The following JOSD2 variants were observed in gnomAD, a reference collection of about 807,000 sequenced individuals.
JOSD2 encodes josephin-2.
A neutral mutation model predicts 19.3 loss-of-function variants in JOSD2; 20 were observed. The ratio of observed to expected loss-of-function variants is 1.04; its 90% CI spans 0.73 to 1.51. JOSD2 has a LOEUF of 1.51. Among genes scored for constraint, JOSD2 ranks in the 40% most tolerant of loss-of-function variants. JOSD2 has a pLI of 0.00. For synonymous variants in JOSD2, 118 were observed against 123.7 expected (o/e 0.95, Z 0.31); for missense variants, 215 against 250.4 (o/e 0.86, Z 0.95).
At chr19:50,510,188 A>C (rs903478660) in intron 2 of JOSD2, 98 bp downstream of exon 2, 1 of 1,461,728 alleles carries the variant, frequency 6.8e-7, no homozygotes, top group Non-Finnish European at 9.4e-7. Context: ...GGAGCAGAAG[A>C]AAGCCCCCAA....
intron 2 of JOSD2, 66 bp downstream of exon 2, chr19:50,510,220 C>T (rs1427932709): frequency 6.3e-7 from 1 of 1,598,188 alleles, no homozygotes; most frequent in Non-Finnish European, 8.6e-7. Context: ...TGCCTGGCGG[C>T]GAGACCCAGG....
At chr19:50,508,816 G>A (rs1039557016) in intron 2 of JOSD2, among the ~76,000 whole-genome samples, 4 of 151,986 alleles carry the variant, frequency 2.6e-5, no homozygotes, top group African/African-American at 9.7e-5. Context: ...GTATGAAAGA[G>A]CTGATGGGTC....
In JOSD2 at chr19:50,506,448, C is replaced by A; in HGVS notation, c.397G>T (p.Asp133Tyr). ...RRHWVALRQVDGVYYNLDSKL... is the reference protein window; with the variant it reads ...RRHWVALRQVYGVYYNLDSKL... ...GAGTCCAGGTTGTAGTAGACACCGT[C>A]CACCTGGCGCAGGGCCACCCAGTGC... Residue 133 changes from aspartate (D) to tyrosine (Y), a missense_variant, in exon 4 of 5, where the codon GAC becomes TAC. Transcript: ENST00000598418. 6.3e-7 allele frequency: 1 copy of A among 1,595,988 alleles called. No homozygotes were observed. The highest frequency in any genetic ancestry group is 1.3e-5 in the African/African-American group (1 of 74,604).
Position 50,511,184 on chromosome 19 carries a change from C to T in JOSD2, c.-85G>A. 6.8e-6 allele frequency: 3 copies of T among 439,728 alleles called. No homozygotes were observed. The highest frequency in any genetic ancestry group is 1.4e-5 in the Non-Finnish European group (3 of 217,842). 27.2% of individuals were successfully genotyped at this position (439,728 alleles called of 1,614,324 possible). On this transcript the variant is annotated 5_prime_UTR_variant, in exon 1 of 5. Coordinates refer to ENST00000598418, the MANE Select transcript of JOSD2 (RefSeq NM_001270639.2). ...CCCCTTCCTGGGCGGCGGCTCTGGG[C>T]TCCGAGTGCGGGGCGGGCAACACCG...
At chr19:50,508,698 CGT>C (rs58475114) in intron 2 of JOSD2, among the ~76,000 whole-genome samples, 36,767 of 140,570 alleles carry the variant, frequency 0.26, 4,618 homozygotes, top group Admixed American at 0.3. Flanking sequence ...GGAAAACGCT[CGT>C]GTGTGTGTGT....
At chr19:50,508,321 C>T (rs891769735) in intron 2 of JOSD2, among the ~76,000 whole-genome samples, 2 of 152,226 alleles carry the variant, frequency 1.3e-5, no homozygotes, top group Non-Finnish European at 2.9e-5. Flanking sequence ...GCCACCTCAA[C>T]GATGACAGCT....
chr19:50,508,651 GT>G (rs1979532790), intron 2 of JOSD2, among the ~76,000 whole-genome samples: 1 of 150,194 alleles, frequency 6.7e-6, no homozygotes, highest in African/African-American at 2.5e-5. Flanking sequence ...CTGCACCTCT[GT>G]TCCCTATCTG....
At chr19:50,508,939 G>T (rs1178104683) in intron 2 of JOSD2, among the ~76,000 whole-genome samples, 1 of 151,964 alleles carries the variant, frequency 6.6e-6, no homozygotes, top group Non-Finnish European at 1.5e-5. Flanking sequence ...GGCAGGGGAG[G>T]CAGGGCCATC....
chr19:50,510,229 G>A (rs538269597), intron 2 of JOSD2, 57 bp downstream of exon 2: 2 of 1,607,934 alleles, frequency 1.2e-6, no homozygotes, highest in East Asian at 2.2e-5. Context: ...GCGAGACCCA[G>A]GTGGGTCACT....
At chr19:50,510,554 C>T in intron 1 of JOSD2, 106 bp from the exon 2 acceptor site, 1 of 1,126,818 alleles carries the variant, frequency 8.9e-7, no homozygotes, top group Non-Finnish European at 1.2e-6. Context: ...GGACTCGGAG[C>T]AGCCCAGGAA....
intron 2 of JOSD2, 59 bp downstream of exon 2, chr19:50,510,227 C>G (rs1158476618): frequency 1.1e-5 from 17 of 1,609,832 alleles, no homozygotes; most frequent in Non-Finnish European, 1.3e-5. Flanking sequence ...CGGCGAGACC[C>G]AGGTGGGTCA....
chr19:50,510,394 G>A lies in JOSD2; in HGVS notation c.38C>T (p.Thr13Ile). ...QAPGAQPSPP[T>I]VYHERQRLEL... is the part of the protein sequence containing the mutation. The stretch of plus-strand genomic sequence containing the variant: ...CAGGCGCTGCCGTTCGTGGTACACG[G>A]TGGGTGGGCTCGGCTGTGCTCCCGG... Residue 13 changes from threonine to isoleucine, a missense_variant, in exon 2 of 5, where the codon ACC (threonine) becomes ATC (isoleucine). By Grantham distance (89) the Thr-to-Ile change is moderately conservative. Coordinates refer to ENST00000598418, the MANE Select transcript of JOSD2 (RefSeq NM_001270639.2). The A allele has an allele frequency of 6.2e-7, 1 of 1,613,036 alleles. No homozygotes were observed. The highest frequency in any genetic ancestry group is 1.1e-5 in the South Asian group (1 of 91,080).
chr19:50,508,481 G>A (rs1369365356), intron 2 of JOSD2, among the ~76,000 whole-genome samples: 1 of 152,104 alleles, frequency 6.6e-6, no homozygotes, highest in Non-Finnish European at 1.5e-5. Context: ...CCTCACCTCA[G>A]AGCCTCAGCA....
At chr19:50,510,255 T>C in intron 2 of JOSD2, 31 bp downstream of exon 2, 1 of 1,612,840 alleles carries the variant, frequency 6.2e-7, no homozygotes, top group Non-Finnish European at 8.5e-7. Context: ...AGAGCTCTGC[T>C]GCTCCAGGGG....
chr19:50,509,659 C>G (rs1979615591), intron 2 of JOSD2, among the ~76,000 whole-genome samples: 1 of 152,034 alleles, frequency 6.6e-6, no homozygotes, highest in Non-Finnish European at 1.5e-5. Context: ...TAAGAGATGC[C>G]TGAAGCTGGG....
chr19:50,506,501 C>G lies in JOSD2; in HGVS notation c.344G>C (p.Gly115Ala), dbSNP rs1979350640. 4 of 1,559,978 alleles carry G rather than the reference C, an allele frequency of 2.6e-6. No homozygotes were observed. Among genetic ancestry groups the G allele is most frequent in the Admixed American group, 1.9e-5 (1 of 51,958 alleles). The change falls in exon 4 of 5, where the codon GGG (glycine) becomes GCG (alanine). Residue 115 changes from glycine to alanine, a missense_variant. Coordinates refer to ENST00000598418, the MANE Select transcript of JOSD2 (RefSeq NM_001270639.2). ...CCGGCGCAGCGGCAGTGACAGCAGC[C>G]CCAGCGACACGGGCGAGGGCAGGTT... is the stretch of plus-strand genomic sequence containing the variant. ...ILNLPSPVSL[G>A]LLSLPLRRRH...
intron 1 of JOSD2, among the ~76,000 whole-genome samples, 197 bp downstream of exon 1, chr19:50,510,915 CCCCTT>C (rs1362777599): frequency 2.6e-5 from 4 of 152,038 alleles, no homozygotes. Flanking sequence ...ACAGAAGACT[CCCCTT>C]CCCCGGTCAT....
intron 4 of JOSD2, 42 bp from the exon 5 acceptor site, chr19:50,506,314 G>A (rs569013823): frequency 1.4e-5 from 23 of 1,610,162 alleles, no homozygotes; most frequent in Middle Eastern, 1.6e-4. Context: ...GGCCAGCCTG[G>A]GCATTCCGTC....
chr19:50,510,446 C>G lies in JOSD2; in HGVS notation c.-15G>C. On this transcript the variant is annotated splice_region_variant and 5_prime_UTR_variant, in exon 2 of 5. Coordinates refer to ENST00000598418, the MANE Select transcript of JOSD2 (RefSeq NM_001270639.2). ...GCCTGGGACATGCCGTCCTCGGCTC[C>G]TGCTGGGGGTTGGGAGGGGGAGAAG... 1 of 1,597,280 alleles carries G rather than the reference C, an allele frequency of 6.3e-7. No individual in the cohort carries two copies. Among genetic ancestry groups the G allele is most frequent in the Non-Finnish European group, 8.5e-7 (1 of 1,171,820 alleles).
Sources: gnomAD v4.1 joint callset for allele counts (sites outside exome capture counted in the v4.1 genomes callset) on GRCh38, gnomAD v4.1.1 for gene constraint, MANE v1.5 for transcripts, NCBI Gene and HGNC (gene_info 2026-07-23, HGNC 2026-07-21) for gene names.